Variants in CACNA1H observed in about 807,000 individuals in gnomAD.
The protein encoded by CACNA1H is calcium voltage-gated channel subunit alpha1 H, also known as voltage-dependent T-type calcium channel subunit alpha-1H.
A neutral mutation model predicts 192.5 loss-of-function variants in CACNA1H; 149 were observed. That is an observed-to-expected ratio of 0.77 (90% CI 0.68 to 0.89). The LOEUF (loss-of-function observed/expected upper bound fraction) is 0.89. CACNA1H is among the 40% of genes least tolerant of loss of function. The probability of loss-of-function intolerance (pLI) is 0.00; values close to 1 mark genes in which losing one functional copy is unlikely to be tolerated. For synonymous variants in CACNA1H, 2,202 were observed against 1,475.2 expected (o/e 1.49, Z -11.29); for missense variants, 4,257 against 3,423.5 (o/e 1.24, Z -6.08).
chr16:1,159,345 G>A (rs1461198344), intron 2 of CACNA1H, among the ~76,000 whole-genome samples: 1 of 152,180 alleles, frequency 6.6e-6, no homozygotes, highest in African/African-American at 2.4e-5. Context: ...ACTGAGACCT[G>A]GATGGGGTGT....
rs192641228 is a variant in CACNA1H, at chr16:1,154,531, C to T, written c.299+495C>T. 2.6e-5 allele frequency among the ~76,000 whole-genome samples: 4 copies of T among 152,168 alleles called. No individual in the cohort carries two copies. In the East Asian group the frequency reaches 7.7e-4, roughly 29 times the overall value. ...GGTGGTTCCGAGTGCGTGGGGAGAC[C>T]CGTGGGGCCTGTGAGCGCCGCCAGG... On this transcript the variant is annotated intron_variant, in intron 2 of 34. Coordinates refer to ENST00000348261, the MANE Select transcript of CACNA1H (RefSeq NM_021098.3).
chr16:1,198,018 C>T (rs376800831), intron 5 of CACNA1H, among the ~76,000 whole-genome samples: 1 of 152,294 alleles, frequency 6.6e-6, no homozygotes, highest in African/African-American at 2.4e-5. Context: ...CCAGCAGCCT[C>T]TCTCTGAGAT....
chr16:1,184,198 C>T (rs912749374), intron 2 of CACNA1H, among the ~76,000 whole-genome samples: 10 of 152,252 alleles, frequency 6.6e-5, no homozygotes, highest in African/African-American at 2.4e-4. Context: ...CAGCCTGCCG[C>T]ATGCATGGGG....
At position 1,196,017 on chromosome 16, in the gene CACNA1H, G is replaced by C; in HGVS notation, c.637G>C (p.Val213Leu). ...VLRPLRAINR[V>L]PSMRILVTLL... ...GCGGCCCCTCCGCGCCATCAACCGC[G>C]TGCCTAGTAAGTGACCGGCCCCGAC... The change falls in exon 5 of 35, where the codon GTG (valine) becomes CTG (leucine). Residue 213 changes from valine to leucine, a missense_variant. Val to Leu is a conservative substitution (Grantham distance 32). Coordinates refer to ENST00000348261, the MANE Select transcript of CACNA1H (RefSeq NM_021098.3). 2 of 1,612,354 alleles carry C rather than the reference G, an allele frequency of 1.2e-6. No individual in the cohort carries two copies. The highest frequency in any genetic ancestry group is 1.7e-6 in the Non-Finnish European group (2 of 1,179,304).
At chr16:1,181,842 TACACACACATCACACACCC>T (rs933827162) in intron 2 of CACNA1H, among the ~76,000 whole-genome samples, 17 of 152,070 alleles carry the variant, frequency 1.1e-4, no homozygotes, top group Non-Finnish European at 2.1e-4. Flanking sequence ...TGCACACAGC[TACACACACATCACACACCC>T]ACACCCGGAC....
chr16:1,220,112 C>G lies in CACNA1H; in HGVS notation c.6180C>G (p.Arg2060=). The change falls in exon 35 of 35, where the codon CGC becomes CGG. Residue 2060 remains arginine (R), a synonymous_variant. Coordinates refer to ENST00000348261, the MANE Select transcript of CACNA1H (RefSeq NM_021098.3). ...TQGGSLQSPP[R]SPRPASVRTR... is the part of the protein sequence containing the mutation. The stretch of plus-strand genomic sequence containing the variant: ...GGGGCTCCCTGCAGTCCCCACCACG[C>G]TCCCCACGGCCCGCCAGCGTCCGCA... 6.7e-7 allele frequency: 1 copy of G among 1,487,280 alleles called. No individual in the cohort carries two copies. Among genetic ancestry groups the G allele is most frequent in the African/African-American group, 1.5e-5 (1 of 68,666 alleles). 92.1% of individuals were successfully genotyped at this position (1,487,280 alleles called of 1,614,324 possible). A position where few individuals can be genotyped will look rare whatever the true frequency, so the allele number is the denominator to read the frequency against.
chr16:1,165,024 C>T (rs116902596), intron 2 of CACNA1H, among the ~76,000 whole-genome samples: 1,748 of 152,052 alleles, frequency 0.011, 16 homozygotes, highest in Non-Finnish European at 0.017. Context: ...GGTTCTGGGG[C>T]GTGAAGGACA....
At chr16:1,175,669 C>T (rs763159737) in intron 2 of CACNA1H, among the ~76,000 whole-genome samples, 3 of 152,256 alleles carry the variant, frequency 2.0e-5, no homozygotes, top group Admixed American at 6.5e-5. Context: ...ACACTAGTTA[C>T]TCCGCAGATG....
chr16:1,220,659 G>T lies in CACNA1H; in HGVS notation c.6727G>T (p.Asp2243Tyr), dbSNP rs764148791. Residue 2243 changes from aspartate (D) to tyrosine (Y), a missense_variant, in exon 35 of 35, where the codon GAC becomes TAC. Physicochemically the swap from Asp to Tyr is radical, Grantham distance 160. Coordinates refer to ENST00000348261, the MANE Select transcript of CACNA1H (RefSeq NM_021098.3). ...CACAGAGGGCTCAGGCGCCGGGGGGGACCCTGCAGCCAAGGGGGAGCGCTG... is the reference window on the plus strand; with the variant it reads ...CACAGAGGGCTCAGGCGCCGGGGGGTACCCTGCAGCCAAGGGGGAGCGCTG... ...EPTEGSGAGG[D>Y]PAAKGERWGQ... 1 of 1,606,328 alleles carries T rather than the reference G, an allele frequency of 6.2e-7. No homozygotes were observed. The highest frequency in any genetic ancestry group is 1.1e-5 in the South Asian group (1 of 90,614).
chr16:1,220,111 G>A lies in CACNA1H; in HGVS notation c.6179G>A (p.Arg2060His), dbSNP rs1054644. Residue 2060 changes from arginine (R) to histidine (H), a missense_variant, in exon 35 of 35, where the codon CGC becomes CAC. Arg to His is a conservative substitution (Grantham distance 29). Transcript: ENST00000348261. ...TQGGSLQSPP[R>H]SPRPASVRTR... ...GGGGGCTCCCTGCAGTCCCCACCAC[G>A]CTCCCCACGGCCCGCCAGCGTCCGC... 187,988 of 1,483,932 alleles carry A rather than the reference G, an allele frequency of 0.13. 13,314 individuals are homozygous for A. Among genetic ancestry groups the A allele is most frequent in the South Asian group, 0.24 (16,275 of 68,990 alleles). The allele number at this position is 1,483,932 out of a possible 1,614,324, so 91.9% of individuals were successfully genotyped here. A position where few individuals can be genotyped will look rare whatever the true frequency, so the allele number is the denominator to read the frequency against.
chr16:1,154,146 C>T lies in CACNA1H; in HGVS notation c.299+110C>T, dbSNP rs865917855. On this transcript the variant is annotated intron_variant, in intron 2 of 34. Coordinates refer to ENST00000348261, the MANE Select transcript of CACNA1H (RefSeq NM_021098.3). ...CCCCCGCGCGCCCCTGTTGGTGGGACCTGGCGTGGGCCGGGCGCGCGGGGG... is the reference window on the plus strand; with the variant it reads ...CCCCCGCGCGCCCCTGTTGGTGGGATCTGGCGTGGGCCGGGCGCGCGGGGG... 136 of 880,236 alleles carry T rather than the reference C, an allele frequency of 1.5e-4. 2 individuals are homozygous for T. In the Middle Eastern group the frequency reaches 4.1e-3, roughly 26 times the overall value. The allele number at this position is 880,236 out of a possible 1,614,324, so 54.5% of individuals were successfully genotyped here.
chr16:1,185,653 CAT>C, intron 2 of CACNA1H, among the ~76,000 whole-genome samples: 1 of 78,602 alleles, frequency 1.3e-5, no homozygotes, highest in Non-Finnish European at 2.3e-5. Context: ...AGACGGTCGG[CAT>C]GCATAGGGGC....
chr16:1,215,812 T>C (rs969667895), intron 30 of CACNA1H, among the ~76,000 whole-genome samples: 5 of 152,076 alleles, frequency 3.3e-5, no homozygotes, highest in African/African-American at 4.8e-5. Context: ...GCAAGACTCA[T>C]AACCGGGGCC....
intron 34 of CACNA1H, 55 bp from the exon 35 acceptor site, chr16:1,219,926 A>G: frequency 8.1e-7 from 1 of 1,231,300 alleles, no homozygotes; most frequent in Non-Finnish European, 1.0e-6. Context: ...AGCCCTGGCC[A>G]CTGACAGGGC....
chr16:1,202,335 A>G lies in CACNA1H; in HGVS notation c.1885A>G (p.Ser629Gly). The part of the protein sequence containing the change: ...SGVGSGKGST[S>G]PGPKGKWAGG... ...GGTGGGCAGCGGCAAAGGCAGCACCAGCCCCGGACCCAAGGGGAAGTGGGC... is the reference window on the plus strand; with the variant it reads ...GGTGGGCAGCGGCAAAGGCAGCACCGGCCCCGGACCCAAGGGGAAGTGGGC... The change falls in exon 9 of 35, where the codon AGC becomes GGC. Residue 629 changes from serine to glycine, a missense_variant. Physicochemically the swap from Ser to Gly is moderately conservative, Grantham distance 56. Coordinates refer to ENST00000348261, the MANE Select transcript of CACNA1H (RefSeq NM_021098.3). The G allele has an allele frequency of 2.5e-6, 4 of 1,576,820 alleles. No homozygotes were observed. Among genetic ancestry groups the G allele is most frequent in the Non-Finnish European group, 3.4e-6 (4 of 1,163,520 alleles).
At chr16:1,214,193 G>C (rs1405559320) in intron 27 of CACNA1H, among the ~76,000 whole-genome samples, 3 of 152,190 alleles carry the variant, frequency 2.0e-5, no homozygotes, top group Admixed American at 2.0e-4. Flanking sequence ...ACCCAAGGAG[G>C]GGCTGGCAGG....
intron 27 of CACNA1H, among the ~76,000 whole-genome samples, 171 bp downstream of exon 27, chr16:1,214,102 C>T (rs1220198315): frequency 6.6e-6 from 1 of 152,196 alleles, no homozygotes; most frequent in Non-Finnish European, 1.5e-5. Flanking sequence ...TGAAACTCCC[C>T]TCCCCCTGTC....
chr16:1,161,245 C>G (rs72775426), intron 2 of CACNA1H, among the ~76,000 whole-genome samples: 1 of 152,164 alleles, frequency 6.6e-6, no homozygotes, highest in Non-Finnish European at 1.5e-5. Context: ...TGTGGATGGA[C>G]CGTTAGGTGA....
At position 1,201,677 on chromosome 16, in the gene CACNA1H, C is replaced by G; in HGVS notation, c.1227C>G (p.Phe409Leu). ...FILLIIVGSF[F>L]MINLCLVVIA... is the part of the protein sequence containing the mutation. ...CCCCGTCACAGGTGGGCTCCTTCTT[C>G]ATGATCAACCTGTGCCTGGTGGTGA... Residue 409 changes from phenylalanine to leucine, a missense_variant, in exon 9 of 35, where the codon TTC (phenylalanine) becomes TTG (leucine). Phe to Leu is a conservative substitution (Grantham distance 22). Transcript: ENST00000348261. 6.3e-7 allele frequency: 1 copy of G among 1,599,662 alleles called. No homozygotes were observed. Among genetic ancestry groups the G allele is most frequent in the African/African-American group, 1.3e-5 (1 of 74,794 alleles).
Sources: allele counts gnomAD v4.1 joint callset (sites outside exome capture counted in the v4.1 genomes callset), GRCh38; gene constraint gnomAD v4.1.1; transcripts MANE v1.5; gene names NCBI Gene and HGNC (gene_info 2026-07-23, HGNC 2026-07-21).